The following DPYSL2 variants were observed in gnomAD, a reference collection of about 807,000 sequenced individuals.
The protein encoded by DPYSL2 is dihydropyrimidinase-related protein 2.
DPYSL2 carries 13 observed loss-of-function variants against 69.9 expected under a neutral mutation model. The observed-to-expected ratio is 0.19, with a 90% confidence interval of 0.12 to 0.30. The LOEUF is 0.30. Among genes scored for constraint, DPYSL2 ranks in the 10% least tolerant of loss-of-function variants. The probability of loss-of-function intolerance (pLI) is 1.00; values close to 1 mark genes in which losing one functional copy is unlikely to be tolerated. For synonymous variants in DPYSL2, 326 were observed against 359.1 expected, an observed-to-expected ratio of 0.91 and a Z score of 1.04; for missense variants, 587 against 918.9, an observed-to-expected ratio of 0.64 and a Z score of 4.67.
Position 26,540,802 on chromosome 8 carries a change from G to A in DPYSL2, c.354+26123G>A, listed in dbSNP as rs139492353. On this transcript the variant is annotated intron_variant, in intron 1 of 13. Transcript: ENST00000521913. ...TGCCTGTAATCCCAGCTACTCAGGA[G>A]GCTGAGGCAGGAGAATTGCTTGAAC... Among the ~76,000 whole-genome samples, 252 of 152,016 alleles carry A rather than the reference G, an allele frequency of 1.7e-3. 1 individual carries two copies. The highest frequency in any genetic ancestry group is 5.8e-3 in the African/African-American group (240 of 41,444).
At chr8:26,622,073 T>TTTTC (rs1237614193) in intron 3 of DPYSL2, among the ~76,000 whole-genome samples, 2,501 of 138,340 alleles carry the variant, frequency 0.018, 125 homozygotes, top group Middle Eastern at 0.023. Context: ...CTTTTCTTTT[T>TTTTC]TTTCTTTCTT....
chr8:26,652,476 G>C lies in DPYSL2; in HGVS notation c.1776+40G>C, dbSNP rs774226544. The C allele has an allele frequency of 1.3e-6, 2 of 1,564,092 alleles. No homozygotes were observed. Among genetic ancestry groups the C allele is most frequent in the Middle Eastern group, 1.7e-4 (1 of 5,862 alleles). On this transcript the variant is annotated intron_variant, in intron 12 of 13. Coordinates refer to ENST00000521913, the MANE Select transcript of DPYSL2 (RefSeq NM_001197293.3). This position sits in a 1 kb window ranked among gnomAD's most constrained non-coding sequence, Gnocchi z 6.3. ...TCTGATGAATTTTTTGTTAAATCACGAATTAAGTTCAAGGCCACAAACATT... is the reference window on the plus strand; with the variant it reads ...TCTGATGAATTTTTTGTTAAATCACCAATTAAGTTCAAGGCCACAAACATT...
chr8:26,608,960 C>A (rs1319046676), intron 3 of DPYSL2, among the ~76,000 whole-genome samples: 1 of 152,232 alleles, frequency 6.6e-6, no homozygotes, highest in African/African-American at 2.4e-5. Flanking sequence ...AGAGACCCGA[C>A]TCCTCACTCA....
Position 26,586,889 on chromosome 8 carries a change from T to G in DPYSL2, c.628+2906T>G, listed in dbSNP as rs1288411893. Among the ~76,000 whole-genome samples the G allele has an allele frequency of 6.6e-6, 1 of 152,202 alleles. No homozygotes were observed. The highest frequency in any genetic ancestry group is 1.5e-5 in the Non-Finnish European group (1 of 68,032). On this transcript the variant is annotated intron_variant, in intron 3 of 13. Transcript: ENST00000521913. This position sits in a 1 kb window ranked among gnomAD's most constrained non-coding sequence, Gnocchi z 4.7. ...CATCCAATGAGCGAACCTCAAGGAA[T>G]AAAAGTCATCAGAGGGGGCAGTGTA...
intron 1 of DPYSL2, among the ~76,000 whole-genome samples, chr8:26,528,917 C>T (rs934846235): frequency 8.5e-5 from 13 of 152,124 alleles, no homozygotes; most frequent in African/African-American, 3.1e-4. Context: ...CCCTAAATGT[C>T]TGGTTCCTGA....
chr8:26,630,147 C>G (rs1031292011), intron 7 of DPYSL2, among the ~76,000 whole-genome samples: 1 of 152,242 alleles, frequency 6.6e-6, no homozygotes, highest in Non-Finnish European at 1.5e-5. Context: ...TAGGTGTACA[C>G]ACACATTTTC....
At chr8:26,543,420 T>C (rs1800715410) in intron 1 of DPYSL2, among the ~76,000 whole-genome samples, 1 of 152,056 alleles carries the variant, frequency 6.6e-6, no homozygotes, top group Admixed American at 6.6e-5. Context: ...CAATTCTGTA[T>C]CCAAGCTTCA....
chr8:26,588,824 GGTT>G lies in DPYSL2; in HGVS notation c.628+4844_628+4846del, dbSNP rs1801660908. Among the ~76,000 whole-genome samples, 3 of 152,176 alleles carry G rather than the reference GGTT, an allele frequency of 2.0e-5. No individual in the cohort carries two copies. In the South Asian group the frequency reaches 6.2e-4, roughly 31 times the overall value. On this transcript the variant is annotated intron_variant, in intron 3 of 13. Coordinates refer to ENST00000521913, the MANE Select transcript of DPYSL2 (RefSeq NM_001197293.3). This position sits in a 1 kb window ranked among gnomAD's most constrained non-coding sequence, Gnocchi z 5.4. ...CCAGTCCTGGAGAGGGCTCGCTGGAGGTTGTGCTGGCGGTATCTGCAGAGTCAT... is the reference window on the plus strand; with the variant it reads ...CCAGTCCTGGAGAGGGCTCGCTGGAGGTGCTGGCGGTATCTGCAGAGTCAT...
intron 1 of DPYSL2, among the ~76,000 whole-genome samples, chr8:26,551,813 TTATTG>T (rs1800878933): frequency 6.6e-6 from 1 of 152,132 alleles, no homozygotes; most frequent in African/African-American, 2.4e-5. Flanking sequence ...GAATATACTT[TTATTG>T]TATTTTATTT....
In DPYSL2 at chr8:26,585,328, G is replaced by A. The variant is rs1026045512; in HGVS notation, c.628+1345G>A. 5.3e-5 allele frequency among the ~76,000 whole-genome samples: 8 copies of A among 152,136 alleles called. No homozygotes were observed. Among genetic ancestry groups the A allele is most frequent in the African/African-American group, 1.7e-4 (7 of 41,418 alleles). ...TCTATCTTGCCTGAGCTAGAGGAAT[G>A]TTGCCCTGCCATCCCCTCCTAGTCT... On this transcript the variant is annotated intron_variant, in intron 3 of 13. Transcript: ENST00000521913. This position sits in a 1 kb window ranked among gnomAD's most constrained non-coding sequence, Gnocchi z 4.0.
intron 3 of DPYSL2, among the ~76,000 whole-genome samples, chr8:26,590,007 A>C (rs368795445): frequency 2.3e-4 from 35 of 152,264 alleles, no homozygotes; most frequent in African/African-American, 7.5e-4. Flanking sequence ...CGGTACATCC[A>C]CGGCTTGTCA....
chr8:26,535,006 T>C (rs1327562236), intron 1 of DPYSL2, among the ~76,000 whole-genome samples: 2 of 152,192 alleles, frequency 1.3e-5, no homozygotes, highest in African/African-American at 4.8e-5. Context: ...GTTAGAACAG[T>C]GTCTACATCA....
intron 1 of DPYSL2, among the ~76,000 whole-genome samples, chr8:26,544,282 C>T (rs1435810626): frequency 6.6e-6 from 1 of 152,202 alleles, no homozygotes; most frequent in East Asian, 1.9e-4. Flanking sequence ...CATACACACA[C>T]TGGTATCAAA....
intron 1 of DPYSL2, among the ~76,000 whole-genome samples, chr8:26,556,692 A>G (rs1225236312): frequency 6.6e-6 from 1 of 152,060 alleles, no homozygotes; most frequent in Non-Finnish European, 1.5e-5. Flanking sequence ...TGATCCACAC[A>G]TTAGATACAA....
At chr8:26,645,113 C>T (rs1356168923) in intron 10 of DPYSL2, among the ~76,000 whole-genome samples, 1 of 152,120 alleles carries the variant, frequency 6.6e-6, no homozygotes. Flanking sequence ...TGGCATCATA[C>T]AGCTGGGCCC....
intron 1 of DPYSL2, among the ~76,000 whole-genome samples, chr8:26,529,921 G>C (rs535931825): frequency 6.6e-6 from 1 of 151,342 alleles, no homozygotes; most frequent in South Asian, 2.1e-4. Context: ...GACCAGCCTG[G>C]CTAACATGCT....
chr8:26,579,074 A>T (rs1266394309), intron 1 of DPYSL2, among the ~76,000 whole-genome samples: 1 of 152,172 alleles, frequency 6.6e-6, no homozygotes, highest in Non-Finnish European at 1.5e-5. Flanking sequence ...GTGTTGGTGC[A>T]TACAAAGCGG....
intron 7 of DPYSL2, among the ~76,000 whole-genome samples, chr8:26,630,232 G>A (rs557891053): frequency 2.0e-5 from 3 of 152,174 alleles, no homozygotes; most frequent in African/African-American, 4.8e-5. Flanking sequence ...GCAAGGGTTC[G>A]TTTCTGTGGT....
intron 1 of DPYSL2, among the ~76,000 whole-genome samples, chr8:26,525,366 A>G (rs369090179): frequency 1.3e-5 from 2 of 152,106 alleles, no homozygotes; most frequent in African/African-American, 2.4e-5. Flanking sequence ...GACTACAGGC[A>G]CATGCCACCA....
Sources: allele counts gnomAD v4.1 joint callset (sites outside exome capture counted in the v4.1 genomes callset), GRCh38; gene constraint gnomAD v4.1.1; non-coding constraint Gnocchi (gnomAD v3.1); transcripts MANE v1.5; gene names NCBI Gene and HGNC (gene_info 2026-07-23, HGNC 2026-07-21).